Variants in MAP3K4 observed in about 807,000 individuals in gnomAD.
The protein encoded by MAP3K4 is mitogen-activated protein kinase kinase kinase 4.
MAP3K4 carries 67 observed loss-of-function variants against 185.6 expected under a neutral mutation model. The observed-to-expected ratio is 0.36, with a 90% CI of 0.30 to 0.44. The LOEUF is 0.44. Ranked by LOEUF, MAP3K4 falls within the 20% of genes least tolerant of loss-of-function variation. The pLI, the probability that MAP3K4 is intolerant of heterozygous loss-of-function variation, is 1.00. For missense variants in MAP3K4, 1,551 were observed against 1,995.1 expected, an observed-to-expected ratio of 0.78 and a Z score of 4.24; for synonymous variants, 702 against 710.4, an observed-to-expected ratio of 0.99 and a Z score of 0.19.
At chr6:161,019,875 A>C (rs1452178205) in intron 1 of MAP3K4, among the ~76,000 whole-genome samples, 1 of 152,238 alleles carries the variant, frequency 6.6e-6, no homozygotes, top group Non-Finnish European at 1.5e-5. Context: ...CGAATAATTA[A>C]CCATTTTTGT....
At position 161,098,756 on chromosome 6, in the gene MAP3K4, G is replaced by T. The variant is rs1239801959; in HGVS notation, c.3674+329G>T. 6.6e-6 allele frequency among the ~76,000 whole-genome samples: 1 copy of T among 152,214 alleles called. No individual in the cohort carries two copies. The highest frequency in any genetic ancestry group is 2.4e-5 in the African/African-American group (1 of 41,472). On this transcript the variant is annotated intron_variant, in intron 17 of 26. Coordinates refer to ENST00000392142, the MANE Select transcript of MAP3K4 (RefSeq NM_005922.4). The surrounding 1 kb of genome is among the most constrained non-coding windows in gnomAD (Gnocchi z 4.4). ...ATGAGCATTTTGCCTCACAGAGAGAGCCTGGAGTCACAAGGTGGTTAAAAG... is the reference window on the plus strand; with the variant it reads ...ATGAGCATTTTGCCTCACAGAGAGATCCTGGAGTCACAAGGTGGTTAAAAG...
Position 161,073,362 on chromosome 6 carries a change from A to C in MAP3K4, c.1951-104A>C. 1 of 1,163,810 alleles carries C rather than the reference A, an allele frequency of 8.6e-7. No homozygotes were observed. Among genetic ancestry groups the C allele is most frequent in the Non-Finnish European group, 1.2e-6 (1 of 853,900 alleles). The allele number at this position is 1,163,810 out of a possible 1,614,324, so 72.1% of individuals were successfully genotyped here. A position where few individuals can be genotyped will look rare whatever the true frequency, so the allele number is the denominator to read the frequency against. ...AAACTATTGTAGGTTTTTTAGAGGC[A>C]AGGTTCCCTCTGAGTTTTTTGAAGA... On this transcript the variant is annotated intron_variant, in intron 4 of 26. Transcript: ENST00000392142. This position sits in a 1 kb window ranked among gnomAD's most constrained non-coding sequence, Gnocchi z 4.2.
Position 161,114,949 on chromosome 6 carries a change from T to C in MAP3K4, c.4627-174T>C, listed in dbSNP as rs553583801. On this transcript the variant is annotated intron_variant, in intron 25 of 26. Coordinates refer to ENST00000392142, the MANE Select transcript of MAP3K4 (RefSeq NM_005922.4). This position sits in a 1 kb window ranked among gnomAD's most constrained non-coding sequence, Gnocchi z 4.3. ...ATGCTGCCATGAGATTAGTGAATAGTTGTGATAGAGATCATATGGCCTGTC... is the reference window on the plus strand; with the variant it reads ...ATGCTGCCATGAGATTAGTGAATAGCTGTGATAGAGATCATATGGCCTGTC... 8.3e-4 allele frequency among the ~76,000 whole-genome samples: 126 copies of C among 152,330 alleles called. No individual in the cohort carries two copies. The highest frequency in any genetic ancestry group is 2.8e-3 in the African/African-American group (117 of 41,568).
In MAP3K4 at chr6:161,101,850, T is replaced by C. The variant is rs941597190; in HGVS notation, c.3675-42T>C. 9 of 1,506,470 alleles carry C rather than the reference T, an allele frequency of 6.0e-6. No individual in the cohort carries two copies. The Admixed American group carries it at 1.0e-4, about 17-fold the overall frequency. 93.3% of individuals were successfully genotyped at this position (1,506,470 alleles called of 1,614,324 possible). A position where few individuals can be genotyped will look rare whatever the true frequency, so the allele number is the denominator to read the frequency against. ...ATCTCGCAGATCTTTCATTTTAAGT[T>C]CTATTGAATTGATAGCTCAATTATT... On this transcript the variant is annotated intron_variant, in intron 17 of 26. Coordinates refer to ENST00000392142, the MANE Select transcript of MAP3K4 (RefSeq NM_005922.4). This position sits in a 1 kb window ranked among gnomAD's most constrained non-coding sequence, Gnocchi z 5.1.
In MAP3K4 at chr6:161,077,497, G is replaced by T. The variant is rs913759281; in HGVS notation, c.2098-3384G>T. 6.6e-6 allele frequency among the ~76,000 whole-genome samples: 1 copy of T among 152,190 alleles called. No individual in the cohort carries two copies. Among genetic ancestry groups the T allele is most frequent in the Non-Finnish European group, 1.5e-5 (1 of 68,026 alleles). ...CAGGTGCGGTCCGCTTGGGAAAGGA[G>T]CCTGGCAAGAGCAAGGCACCGCAGG... On this transcript the variant is annotated intron_variant, in intron 5 of 26. Coordinates refer to ENST00000392142, the MANE Select transcript of MAP3K4 (RefSeq NM_005922.4). The surrounding 1 kb of genome is among the most constrained non-coding windows in gnomAD (Gnocchi z 4.3).
rs1778500341 is a variant in MAP3K4 at position 161,114,348 on chromosome 6, A to G, written c.4627-775A>G. Among the ~76,000 whole-genome samples, 1 of 152,198 alleles carries G rather than the reference A, an allele frequency of 6.6e-6. No individual in the cohort carries two copies. The highest frequency in any genetic ancestry group is 1.5e-5 in the Non-Finnish European group (1 of 68,032). ...CAGTATTATAGCAAAAAAGTTAGAAACCTTCATTTCTAAGTTAAAAGTTAG... is the reference window on the plus strand; with the variant it reads ...CAGTATTATAGCAAAAAAGTTAGAAGCCTTCATTTCTAAGTTAAAAGTTAG... On this transcript the variant is annotated intron_variant, in intron 25 of 26. Coordinates refer to ENST00000392142, the MANE Select transcript of MAP3K4 (RefSeq NM_005922.4). This position sits in a 1 kb window ranked among gnomAD's most constrained non-coding sequence, Gnocchi z 4.3.
intron 1 of MAP3K4, among the ~76,000 whole-genome samples, chr6:161,033,610 A>C (rs1783027533): frequency 6.6e-6 from 1 of 152,224 alleles, no homozygotes; most frequent in African/African-American, 2.4e-5. Flanking sequence ...AAATACACAT[A>C]AGATAAAATT....
rs1783219149 is a variant in MAP3K4, at chr6:161,037,378, A to G, written c.343+2929A>G. Among the ~76,000 whole-genome samples, 1 of 152,084 alleles carries G rather than the reference A, an allele frequency of 6.6e-6. No homozygotes were observed. Among genetic ancestry groups the G allele is most frequent in the Non-Finnish European group, 1.5e-5 (1 of 68,016 alleles). The stretch of plus-strand genomic sequence containing the variant: ...CCTTATAGTGTTGTTAGGATTATGT[A>G]TTCAGTATTAGTTATCATCATTATT... On this transcript the variant is annotated intron_variant, in intron 2 of 26. Coordinates refer to ENST00000392142, the MANE Select transcript of MAP3K4 (RefSeq NM_005922.4). This position sits in a 1 kb window ranked among gnomAD's most constrained non-coding sequence, Gnocchi z 4.2.
intron 2 of MAP3K4, among the ~76,000 whole-genome samples, chr6:161,046,344 G>T (rs1454128555): frequency 6.6e-6 from 1 of 152,094 alleles, no homozygotes; most frequent in Non-Finnish European, 1.5e-5. Flanking sequence ...ATCAGAGCAA[G>T]AGAATTAAAG....
At chr6:161,026,323 G>A (rs992496221) in intron 1 of MAP3K4, among the ~76,000 whole-genome samples, 2 of 151,434 alleles carry the variant, frequency 1.3e-5, no homozygotes, top group African/African-American at 4.9e-5. Context: ...GTTTAGTAAA[G>A]ACGGGGTTTC....
Position 161,054,451 on chromosome 6 carries a change from G to A in MAP3K4, c.1707+4472G>A, listed in dbSNP as rs973256311. Among the ~76,000 whole-genome samples, 4 of 152,002 alleles carry A rather than the reference G, an allele frequency of 2.6e-5. No individual in the cohort carries two copies. Among genetic ancestry groups the A allele is most frequent in the Non-Finnish European group, 4.4e-5 (3 of 68,008 alleles). On this transcript the variant is annotated intron_variant, in intron 3 of 26. Coordinates refer to ENST00000392142, the MANE Select transcript of MAP3K4 (RefSeq NM_005922.4). The surrounding 1 kb of genome is among the most constrained non-coding windows in gnomAD (Gnocchi z 4.2). ...ATGATAGGTGTGAGCCACCGCGCCC[G>A]GCCCAAACTAATTTTTCTCTAAAAC...
intron 1 of MAP3K4, among the ~76,000 whole-genome samples, chr6:161,033,192 A>G (rs1583141358): frequency 6.6e-6 from 1 of 152,116 alleles, no homozygotes. Flanking sequence ...TACTGGATAT[A>G]ATTTGGAGTT....
Position 161,037,652 on chromosome 6 carries a change from A to T in MAP3K4, c.343+3203A>T, listed in dbSNP as rs1391453200. The stretch of plus-strand genomic sequence containing the variant: ...AGGCTGGTCTCGAACTGCTGACCTC[A>T]GGTGATCCACCTGCCTCAGTCTCCC... On this transcript the variant is annotated intron_variant, in intron 2 of 26. Transcript: ENST00000392142. This position sits in a 1 kb window ranked among gnomAD's most constrained non-coding sequence, Gnocchi z 4.2. Among the ~76,000 whole-genome samples the T allele has an allele frequency of 6.6e-6, 1 of 151,668 alleles. No individual in the cohort carries two copies.
chr6:161,005,101 A>G (rs1562475494), intron 1 of MAP3K4, among the ~76,000 whole-genome samples: 1 of 151,930 alleles, frequency 6.6e-6, no homozygotes, highest in Non-Finnish European at 1.5e-5. Flanking sequence ...CAAAATGAAC[A>G]CATTCATTAA....
intron 1 of MAP3K4, among the ~76,000 whole-genome samples, chr6:161,030,686 A>G (rs1782886817): frequency 6.6e-6 from 1 of 152,172 alleles, no homozygotes; most frequent in African/African-American, 2.4e-5. Flanking sequence ...AGGTGCTGGG[A>G]TTACAGACAT....
intron 2 of MAP3K4, among the ~76,000 whole-genome samples, chr6:161,035,468 G>A (rs926397203): frequency 2.3e-4 from 35 of 152,182 alleles, no homozygotes; most frequent in African/African-American, 8.2e-4. Context: ...GAGCAGGAGG[G>A]CAAGAGAAGT....
chr6:161,052,837 T>C (rs1253592831), intron 3 of MAP3K4, among the ~76,000 whole-genome samples: 1 of 152,186 alleles, frequency 6.6e-6, no homozygotes, highest in African/African-American at 2.4e-5. Flanking sequence ...AGTCACAATT[T>C]TGAAGTCCAT....
rs1035612416 is a variant in MAP3K4, at chr6:161,043,539, C to A, written c.344-5077C>A. ...GCTAGGACCCCTGTTCTGACATTAACCATGTGTCTAACCATCTGTGTTCTG... is the reference window on the plus strand; with the variant it reads ...GCTAGGACCCCTGTTCTGACATTAAACATGTGTCTAACCATCTGTGTTCTG... On this transcript the variant is annotated intron_variant, in intron 2 of 26. Coordinates refer to ENST00000392142, the MANE Select transcript of MAP3K4 (RefSeq NM_005922.4). This position sits in a 1 kb window ranked among gnomAD's most constrained non-coding sequence, Gnocchi z 4.3. 4.6e-5 allele frequency among the ~76,000 whole-genome samples: 7 copies of A among 152,164 alleles called. No homozygotes were observed. The highest frequency in any genetic ancestry group is 8.8e-5 in the Non-Finnish European group (6 of 68,038).
Position 161,067,533 on chromosome 6 carries a change from T to C in MAP3K4, c.1708-3075T>C, listed in dbSNP as rs1399740876. Among the ~76,000 whole-genome samples the C allele has an allele frequency of 1.3e-5, 2 of 152,234 alleles. No individual in the cohort carries two copies. Among genetic ancestry groups the C allele is most frequent in the African/African-American group, 4.8e-5 (2 of 41,452 alleles). On this transcript the variant is annotated intron_variant, in intron 3 of 26. Transcript: ENST00000392142. This position sits in a 1 kb window ranked among gnomAD's most constrained non-coding sequence, Gnocchi z 6.3. ...TGGTTATTTTAGAAATTCTTGCCTG[T>C]TAGGGAAACCCAGGTGTGTACTAAT...
Sources: allele counts gnomAD v4.1 joint callset (sites outside exome capture counted in the v4.1 genomes callset), GRCh38; gene constraint gnomAD v4.1.1; non-coding constraint Gnocchi (gnomAD v3.1); transcripts MANE v1.5; gene names NCBI Gene and HGNC (gene_info 2026-07-23, HGNC 2026-07-21).